The following AGBL4 variants were observed in gnomAD, a reference collection of about 807,000 sequenced individuals.
AGBL4 encodes the protein cytosolic carboxypeptidase 6.
In AGBL4, 58 loss-of-function variants were observed where a neutral mutation model predicts 66.4. The observed-to-expected ratio is 0.87, with a 90% CI of 0.71 to 1.09. AGBL4 has a LOEUF of 1.09. Ranked by LOEUF, AGBL4 falls within the 50% of genes least tolerant of loss-of-function variation. The probability of loss-of-function intolerance (pLI) is 0.00; values close to 1 mark genes in which losing one functional copy is unlikely to be tolerated. For synonymous variants in AGBL4, 234 were observed against 222.9 expected (o/e 1.05, Z -0.44); for missense variants, 579 against 631.0 (o/e 0.92, Z 0.88).
chr1:49,025,411 A>G (rs1423043455), intron 5 of AGBL4, among the ~76,000 whole-genome samples: 1 of 152,170 alleles, frequency 6.6e-6, no homozygotes, highest in Non-Finnish European at 1.5e-5. Flanking sequence ...TTTATGGAGA[A>G]GGCCAATAAA....
intron 6 of AGBL4, among the ~76,000 whole-genome samples, chr1:48,805,671 GT>G (rs1035577945): frequency 7.2e-5 from 11 of 152,128 alleles, no homozygotes; most frequent in African/African-American, 2.4e-4. Context: ...CTCTGCAAAA[GT>G]TACTTCACCA....
chr1:49,206,043 G>T (rs992233525), intron 4 of AGBL4, among the ~76,000 whole-genome samples: 1 of 152,134 alleles, frequency 6.6e-6, no homozygotes, highest in African/African-American at 2.4e-5. Flanking sequence ...TAAGAAGGAA[G>T]ATTTAGGAAA....
At chr1:48,743,130 C>T (rs1196665575) in intron 6 of AGBL4, among the ~76,000 whole-genome samples, 1 of 152,122 alleles carries the variant, frequency 6.6e-6, no homozygotes, top group Admixed American at 6.5e-5. Flanking sequence ...ATATGCAAAT[C>T]GTGTATTTGC....
intron 2 of AGBL4, among the ~76,000 whole-genome samples, chr1:49,727,254 CCTTAAA>C (rs1319572094): frequency 3.3e-5 from 5 of 151,940 alleles, no homozygotes; most frequent in African/African-American, 1.2e-4. Flanking sequence ...TCAAGTTTGA[CCTTAAA>C]CTTAGATTAT....
intron 6 of AGBL4, among the ~76,000 whole-genome samples, chr1:48,859,155 T>C (rs1647281953): frequency 6.6e-6 from 1 of 152,078 alleles, no homozygotes; most frequent in Admixed American, 6.5e-5. Flanking sequence ...ACATGGCAAA[T>C]GCTAGGCCTC....
chr1:49,838,509 C>A (rs1645909668), intron 2 of AGBL4, among the ~76,000 whole-genome samples: 1 of 152,162 alleles, frequency 6.6e-6, no homozygotes, highest in African/African-American at 2.4e-5. Context: ...AGTCAAATGA[C>A]CTGCACAAGA....
chr1:49,444,456 G>C (rs1646106750), intron 3 of AGBL4, among the ~76,000 whole-genome samples: 1 of 152,044 alleles, frequency 6.6e-6, no homozygotes, highest in Admixed American at 6.6e-5. Context: ...GAGTGCTCCA[G>C]TGTTGGGTGC....
intron 2 of AGBL4, among the ~76,000 whole-genome samples, chr1:49,816,144 C>T (rs1158034289): frequency 6.6e-6 from 1 of 152,060 alleles, no homozygotes; most frequent in Non-Finnish European, 1.5e-5. Flanking sequence ...GCCTCAGGCT[C>T]CTGAGTCATT....
At chr1:49,683,441 G>T (rs1026908329) in intron 3 of AGBL4, among the ~76,000 whole-genome samples, 2 of 152,192 alleles carry the variant, frequency 1.3e-5, no homozygotes, top group South Asian at 4.1e-4. Context: ...CTCAGTGCTA[G>T]CTATTTCAGT....
At chr1:49,951,098 G>C (rs1015164654) in intron 1 of AGBL4, among the ~76,000 whole-genome samples, 1 of 151,766 alleles carries the variant, frequency 6.6e-6, no homozygotes, top group African/African-American at 2.4e-5. Context: ...GGAATCAAGA[G>C]ATCCTGATCA....
At chr1:49,629,337 T>C (rs1244632920) in intron 3 of AGBL4, among the ~76,000 whole-genome samples, 1 of 152,194 alleles carries the variant, frequency 6.6e-6, no homozygotes, top group African/African-American at 2.4e-5. Flanking sequence ...TCCCCCAACA[T>C]GGCAGGATAT....
chr1:49,328,235 T>G (rs1447350473), intron 3 of AGBL4, among the ~76,000 whole-genome samples: 1 of 152,232 alleles, frequency 6.6e-6, no homozygotes, highest in East Asian at 1.9e-4. Context: ...ATCTTCCTGT[T>G]CATGATTTTG....
chr1:49,785,064 G>A (rs1046798650), intron 2 of AGBL4, among the ~76,000 whole-genome samples: 5 of 151,956 alleles, frequency 3.3e-5, no homozygotes, highest in African/African-American at 1.2e-4. Flanking sequence ...AAGCAAAGTG[G>A]CAACTTAATA....
At chr1:49,933,413 AC>A (rs756588693) in intron 1 of AGBL4, among the ~76,000 whole-genome samples, 116 of 152,270 alleles carry the variant, frequency 7.6e-4, no homozygotes, top group Non-Finnish European at 1.3e-3. Flanking sequence ...AGGGAATTCA[AC>A]AAAAGAATGA....
At chr1:49,539,492 T>A (rs999478085) in intron 3 of AGBL4, among the ~76,000 whole-genome samples, 14 of 152,196 alleles carry the variant, frequency 9.2e-5, no homozygotes, top group African/African-American at 4.8e-5. Flanking sequence ...TATTTGTTAA[T>A]GTCCTTCTGT....
intron 1 of AGBL4, among the ~76,000 whole-genome samples, chr1:49,914,939 A>G (rs1651244392): frequency 6.6e-6 from 1 of 152,158 alleles, no homozygotes; most frequent in Admixed American, 6.5e-5. Context: ...TAATGGCATT[A>G]ATCCCTTCAT....
chr1:49,462,787 G>A (rs1301591522), intron 3 of AGBL4, among the ~76,000 whole-genome samples: 4 of 151,822 alleles, frequency 2.6e-5, no homozygotes, highest in South Asian at 4.2e-4. Flanking sequence ...ACTTAAGTGA[G>A]TGATAGTCTG....
chr1:50,016,788 G>T (rs192027445), intron 1 of AGBL4, among the ~76,000 whole-genome samples: 1 of 152,200 alleles, frequency 6.6e-6, no homozygotes, highest in African/African-American at 2.4e-5. Context: ...AAGTCAAAAA[G>T]CAACAGATGC....
intron 5 of AGBL4, among the ~76,000 whole-genome samples, chr1:48,941,882 T>C (rs1014557752): frequency 2.6e-5 from 4 of 152,348 alleles, no homozygotes; most frequent in African/African-American, 9.6e-5. Flanking sequence ...AAGCTGTTTG[T>C]ATCATACAAA....
Sources: allele counts gnomAD v4.1 joint callset (sites outside exome capture counted in the v4.1 genomes callset), GRCh38; gene constraint gnomAD v4.1.1; transcripts MANE v1.5; gene names NCBI Gene and HGNC (gene_info 2026-07-23, HGNC 2026-07-21).